GMEB1: variants seen among roughly 807,000 people sequenced by gnomAD.
The protein encoded by GMEB1 is glucocorticoid modulatory element binding protein 1.
In GMEB1, 6 loss-of-function variants were observed where a neutral mutation model predicts 52.4. The ratio of observed to expected loss-of-function variants is 0.11; its 90% confidence interval spans 0.06 to 0.23. The LOEUF (loss-of-function observed/expected upper bound fraction) is 0.23, where lower values mean the gene tolerates loss of function less well. GMEB1 is among the 10% of genes least tolerant of loss of function. GMEB1 has a pLI of 1.00. For missense variants in GMEB1, 486 were observed against 685.6 expected, an observed-to-expected ratio of 0.71 and a Z score of 3.25; for synonymous variants, 255 against 244.9, an observed-to-expected ratio of 1.04 and a Z score of -0.38.
intron 1 of GMEB1, among the ~76,000 whole-genome samples, chr1:28,674,410 A>AT (rs976340616): frequency 2.0e-5 from 3 of 151,854 alleles, no homozygotes; most frequent in South Asian, 2.1e-4. Flanking sequence ...TTATTTATTT[A>AT]TTTTTTTGAG....
chr1:28,697,987 A>G lies in GMEB1; in HGVS notation c.598+903A>G, dbSNP rs984020627. Among the ~76,000 whole-genome samples the G allele has an allele frequency of 3.9e-5, 6 of 152,086 alleles. 1 individual carries two copies. Among genetic ancestry groups the G allele is most frequent in the African/African-American group, 1.4e-4 (6 of 41,406 alleles). On this transcript the variant is annotated intron_variant, in intron 6 of 9. Coordinates refer to ENST00000373816, the MANE Select transcript of GMEB1 (RefSeq NM_001319674.2). Reference sequence around the variant, plus strand: ...ACCCCGTCTCTACTAAAAATACAAAAAAATTAGCCAGGTGTGGTGGCGTGC... The same window carrying G: ...ACCCCGTCTCTACTAAAAATACAAAGAAATTAGCCAGGTGTGGTGGCGTGC...
At chr1:28,702,644 G>C in intron 7 of GMEB1, 75 bp downstream of exon 7, 1 of 1,357,222 alleles carries the variant, frequency 7.4e-7, no homozygotes. Context: ...GGACACGGAA[G>C]ACCTCTTAAT....
intron 1 of GMEB1, among the ~76,000 whole-genome samples, chr1:28,675,138 C>T (rs1231105969): frequency 1.3e-5 from 2 of 151,490 alleles, no homozygotes; most frequent in Non-Finnish European, 2.9e-5. Context: ...CTGCCTCAGC[C>T]TCCCAAGTAG....
chr1:28,687,422 T>A (rs1442639933), intron 2 of GMEB1, among the ~76,000 whole-genome samples: 1 of 131,466 alleles, frequency 7.6e-6, no homozygotes. Flanking sequence ...TTCTGGGAAG[T>A]GGCAGAAATA....
chr1:28,702,604 T>A, intron 7 of GMEB1, 35 bp downstream of exon 7: 1 of 1,599,262 alleles, frequency 6.3e-7, no homozygotes, highest in Non-Finnish European at 8.6e-7. Flanking sequence ...TCTTGCAGGG[T>A]CTTGTGAGCC....
chr1:28,696,819 T>C, intron 5 of GMEB1, 108 bp from the exon 6 acceptor site: 1 of 785,898 alleles, frequency 1.3e-6, no homozygotes, highest in East Asian at 2.8e-5. Context: ...TAGGTTTCAC[T>C]AATCTACACA....
At chr1:28,707,911 T>C (rs991325272) in intron 8 of GMEB1, among the ~76,000 whole-genome samples, 4 of 151,982 alleles carry the variant, frequency 2.6e-5, no homozygotes, top group Non-Finnish European at 5.9e-5. Context: ...TTTTTTTTTT[T>C]TTTTGGAGAC....
At chr1:28,696,544 G>T (rs1043825937) in intron 5 of GMEB1, among the ~76,000 whole-genome samples, 7 of 152,108 alleles carry the variant, frequency 4.6e-5, no homozygotes, top group African/African-American at 1.7e-4. Flanking sequence ...CCATGGTTTT[G>T]CTCATGTCCT....
intron 8 of GMEB1, 45 bp downstream of exon 8, chr1:28,704,374 C>A (rs377721581): frequency 6.4e-7 from 1 of 1,552,430 alleles, no homozygotes; most frequent in Non-Finnish European, 8.8e-7. Context: ...ATTGAATACT[C>A]ACCTCCGTAG....
intron 5 of GMEB1, 52 bp from the exon 6 acceptor site, chr1:28,696,875 C>T: frequency 7.1e-7 from 1 of 1,413,186 alleles, no homozygotes; most frequent in Non-Finnish European, 9.8e-7. Context: ...GGCCTAGTTC[C>T]CACTAGATGA....
chr1:28,711,453 T>G (rs1671058582), intron 9 of GMEB1, among the ~76,000 whole-genome samples: 1 of 152,152 alleles, frequency 6.6e-6, no homozygotes, highest in East Asian at 1.9e-4. Context: ...TTTTTCTTTT[T>G]GTTTGTTTAT....
At chr1:28,686,864 T>G (rs894497147) in intron 2 of GMEB1, among the ~76,000 whole-genome samples, 11 of 152,144 alleles carry the variant, frequency 7.2e-5, no homozygotes, top group African/African-American at 2.4e-4. Flanking sequence ...AGCCATAATC[T>G]GTGCACTTGG....
At chr1:28,682,490 G>C (rs544398056) in intron 1 of GMEB1, among the ~76,000 whole-genome samples, 1 of 151,824 alleles carries the variant, frequency 6.6e-6, no homozygotes, top group African/African-American at 2.4e-5. Flanking sequence ...TGGTAGTGGC[G>C]CACACCTGTA....
intron 1 of GMEB1, among the ~76,000 whole-genome samples, chr1:28,678,986 C>G (rs534877586): frequency 6.6e-6 from 1 of 152,200 alleles, no homozygotes; most frequent in Admixed American, 6.6e-5. Flanking sequence ...TCTTGGCCCA[C>G]TGTAACCTCT....
chr1:28,681,723 A>C (rs1032116273), intron 1 of GMEB1, among the ~76,000 whole-genome samples: 3 of 151,840 alleles, frequency 2.0e-5, no homozygotes, highest in Non-Finnish European at 4.4e-5. Flanking sequence ...TTTCTTTGAG[A>C]CGGAGTTTCG....
intron 1 of GMEB1, among the ~76,000 whole-genome samples, chr1:28,678,494 A>G (rs1047821135): frequency 2.0e-5 from 3 of 151,996 alleles, no homozygotes; most frequent in Non-Finnish European, 4.4e-5. Context: ...TATTTTTAGT[A>G]GAGATGGGGT....
intron 7 of GMEB1, 108 bp downstream of exon 7, chr1:28,702,677 G>A: frequency 1.1e-6 from 1 of 937,364 alleles, no homozygotes; most frequent in Non-Finnish European, 1.6e-6. Flanking sequence ...ATTTTCTCAT[G>A]CACGTAAATA....
At chr1:28,697,733 C>T (rs1670291978) in intron 6 of GMEB1, among the ~76,000 whole-genome samples, 1 of 152,188 alleles carries the variant, frequency 6.6e-6, no homozygotes, top group African/African-American at 2.4e-5. Context: ...TTTGGTGCCA[C>T]TTGGCATATT....
At chr1:28,701,268 C>CTTTTTTTTTTTTTT (rs67909525) in intron 6 of GMEB1, among the ~76,000 whole-genome samples, 2 of 109,828 alleles carry the variant, frequency 1.8e-5, no homozygotes, top group African/African-American at 3.5e-5. Context: ...TAAAAGCTGT[C>CTTTTTTTTTTTTTT]TTTTTTTTTT....
Sources: allele counts gnomAD v4.1 joint callset (sites outside exome capture counted in the v4.1 genomes callset), GRCh38; gene constraint gnomAD v4.1.1; transcripts MANE v1.5; gene names NCBI Gene and HGNC (gene_info 2026-07-23, HGNC 2026-07-21).